Variants in POT1 observed in about 807,000 individuals in gnomAD.
POT1 encodes protection of telomeres 1, also known as protection of telomeres protein 1.
Under a neutral mutation model 78.5 loss-of-function variants are expected in POT1, and 47 were observed. The ratio of observed to expected loss-of-function variants is 0.60; its 90% confidence interval spans 0.47 to 0.76. POT1 has a LOEUF of 0.76. POT1 is among the 30% of genes least tolerant of loss of function. POT1 has a pLI of 0.00. For missense variants in POT1, 646 were observed against 749.9 expected (o/e 0.86, Z 1.62); for synonymous variants, 259 against 260.7 (o/e 0.99, Z 0.06).
At chr7:124,919,715 A>C (rs946852987) in intron 2 of POT1, among the ~76,000 whole-genome samples, 1 of 152,158 alleles carries the variant, frequency 6.6e-6, no homozygotes, top group Non-Finnish European at 1.5e-5. Context: ...AGCCACTTTG[A>C]TACTGATCTT....
At chr7:124,904,153 C>T (rs1352980375) in intron 3 of POT1, among the ~76,000 whole-genome samples, 4 of 152,186 alleles carry the variant, frequency 2.6e-5, no homozygotes, top group Admixed American at 2.6e-4. Context: ...GGAATCCTCC[C>T]TAACTTATTT....
chr7:124,903,359 AT>A (rs2116661972), intron 3 of POT1, among the ~76,000 whole-genome samples: 1 of 152,366 alleles, frequency 6.6e-6, no homozygotes, highest in East Asian at 1.9e-4. Context: ...AGAACTCAGG[AT>A]TAAGAAACTT....
chr7:124,869,127 G>T (rs1040402189), intron 7 of POT1, among the ~76,000 whole-genome samples: 1 of 152,114 alleles, frequency 6.6e-6, no homozygotes, highest in African/African-American at 2.4e-5. Flanking sequence ...TCTCTAGACT[G>T]TGAATGGAGC....
intron 8 of POT1, 65 bp downstream of exon 8, chr7:124,863,285 C>T: frequency 6.9e-7 from 1 of 1,456,722 alleles, no homozygotes; most frequent in Non-Finnish European, 9.3e-7. Flanking sequence ...AATGCTGAAA[C>T]ATAAGCTCTT....
intron 15 of POT1, among the ~76,000 whole-genome samples, chr7:124,833,324 T>C (rs931364034): frequency 6.6e-6 from 1 of 152,176 alleles, no homozygotes; most frequent in Non-Finnish European, 1.5e-5. Context: ...ATGCTTACCG[T>C]ATAATATTTT....
chr7:124,829,411 C>A (rs1584749311), intron 15 of POT1, 69 bp from the exon 16 acceptor site: 2 of 961,322 alleles, frequency 2.1e-6, no homozygotes, highest in Admixed American at 2.2e-5. Flanking sequence ...TAACTTTTTA[C>A]TGCTCAAACA....
At chr7:124,922,767 A>G (rs1054683402) in intron 2 of POT1, among the ~76,000 whole-genome samples, 8 of 152,002 alleles carry the variant, frequency 5.3e-5, no homozygotes, top group Non-Finnish European at 1.2e-4. Flanking sequence ...TTGACAGACA[A>G]ACAAAACCAT....
intron 3 of POT1, among the ~76,000 whole-genome samples, chr7:124,900,672 T>G (rs1584512975): frequency 6.6e-6 from 1 of 151,822 alleles, no homozygotes; most frequent in African/African-American, 2.4e-5. Flanking sequence ...GTGCAGCCCA[T>G]GGAGTGTGAG....
intron 2 of POT1, among the ~76,000 whole-genome samples, chr7:124,925,466 TA>T (rs199706718): frequency 6.6e-6 from 1 of 151,656 alleles, no homozygotes; most frequent in Non-Finnish European, 1.5e-5. Flanking sequence ...GTAAACAACA[TA>T]AAAAAATGGA....
chr7:124,851,605 C>T (rs1161037849), intron 11 of POT1, among the ~76,000 whole-genome samples: 4 of 152,176 alleles, frequency 2.6e-5, no homozygotes, highest in African/African-American at 9.6e-5. Flanking sequence ...GAAATCAATA[C>T]AGATTTTCTT....
At chr7:124,903,767 T>C (rs528275115) in intron 3 of POT1, among the ~76,000 whole-genome samples, 2 of 151,916 alleles carry the variant, frequency 1.3e-5, no homozygotes, top group African/African-American at 4.8e-5. Context: ...ACAAAATTGA[T>C]AGACTGCTAG....
intron 18 of POT1, 65 bp downstream of exon 18, chr7:124,825,187 G>A: frequency 9.7e-7 from 1 of 1,035,682 alleles, no homozygotes; most frequent in Non-Finnish European, 1.5e-6. Flanking sequence ...AGTCCACAGA[G>A]TACATATATG....
chr7:124,822,540 A>G lies in POT1; in HGVS notation c.*1422T>C. 1 of 455,862 alleles carries G rather than the reference A, an allele frequency of 2.2e-6. No individual in the cohort carries two copies. Among genetic ancestry groups the G allele is most frequent in the South Asian group, 1.6e-5 (1 of 64,434 alleles). The allele number at this position is 455,862 out of a possible 1,614,324, so 28.2% of individuals were successfully genotyped here. On this transcript the variant is annotated 3_prime_UTR_variant, in exon 19 of 19. Transcript: ENST00000357628. ...CACCTTTGGACCTCTACTCTTCTAG[A>G]TTGAGGGCTTCCTGAAGGCAGAAAA...
intron 15 of POT1, among the ~76,000 whole-genome samples, chr7:124,831,528 T>C (rs372453472): frequency 6.6e-6 from 1 of 152,058 alleles, no homozygotes; most frequent in Middle Eastern, 3.4e-3. Context: ...CCACATCATA[T>C]AATTTAAAAA....
intron 8 of POT1, 63 bp downstream of exon 8, chr7:124,863,287 T>C (rs2116540946): frequency 6.8e-7 from 1 of 1,463,612 alleles, no homozygotes; most frequent in Non-Finnish European, 9.3e-7. Context: ...TGCTGAAACA[T>C]AAGCTCTTTA....
At chr7:124,928,353 T>G (rs1797325896) in intron 2 of POT1, among the ~76,000 whole-genome samples, 1 of 152,206 alleles carries the variant, frequency 6.6e-6, no homozygotes, top group South Asian at 2.1e-4. Flanking sequence ...TTTAGAGTAA[T>G]ATCCAAATTC....
intron 9 of POT1, among the ~76,000 whole-genome samples, chr7:124,853,697 C>G (rs1190531336): frequency 1.3e-5 from 2 of 148,444 alleles, no homozygotes; most frequent in South Asian, 2.2e-4. Flanking sequence ...TGTACCACCA[C>G]AGTGTGAAAC....
intron 9 of POT1, among the ~76,000 whole-genome samples, chr7:124,856,624 G>A (rs1023729064): frequency 2.2e-4 from 33 of 152,174 alleles, no homozygotes; most frequent in African/African-American, 7.9e-4. Flanking sequence ...GTGCTGTTCA[G>A]GACTAAGACA....
At chr7:124,853,309 G>T in intron 9 of POT1, 171 bp from the exon 10 acceptor site, 1 of 553,576 alleles carries the variant, frequency 1.8e-6, no homozygotes, top group Non-Finnish European at 3.2e-6. Context: ...CAGCTGCATG[G>T]ACACTACATC....
Sources: allele counts gnomAD v4.1 joint callset (sites outside exome capture counted in the v4.1 genomes callset), GRCh38; gene constraint gnomAD v4.1.1; transcripts MANE v1.5; gene names NCBI Gene and HGNC (gene_info 2026-07-23, HGNC 2026-07-21).